Variants in TMEM135 observed in about 807,000 individuals in gnomAD.
TMEM135 encodes transmembrane protein 135, also known as peroxisomal membrane protein 52.
In TMEM135, 30 loss-of-function variants were observed where a neutral mutation model predicts 60.3. That is an observed-to-expected ratio of 0.50 (90% confidence interval 0.37 to 0.68). TMEM135 has a LOEUF of 0.68. Among genes scored for constraint, TMEM135 ranks in the 30% least tolerant of loss-of-function variants. The pLI is 0.00. For missense variants in TMEM135, 468 were observed against 548.8 expected (o/e 0.85, Z 1.47); for synonymous variants, 190 against 186.7 (o/e 1.02, Z -0.14).
intron 3 of TMEM135, among the ~76,000 whole-genome samples, chr11:87,083,748 C>G (rs1013734971): frequency 2.0e-5 from 3 of 152,070 alleles, no homozygotes; most frequent in African/African-American, 7.2e-5. Context: ...GACTCTTGCT[C>G]TAGATTAGAA....
chr11:87,266,227 G>A (rs72957888), intron 6 of TMEM135, among the ~76,000 whole-genome samples: 3,792 of 152,148 alleles, frequency 0.025, 70 homozygotes, highest in Non-Finnish European at 0.036. Flanking sequence ...ATAATTTCAT[G>A]TTCTCCACCC....
At chr11:87,169,817 C>A (rs1565471862) in intron 5 of TMEM135, among the ~76,000 whole-genome samples, 2 of 151,994 alleles carry the variant, frequency 1.3e-5, no homozygotes, top group Admixed American at 1.3e-4. Flanking sequence ...TTGTGGTGTT[C>A]TCTGTATTGC....
chr11:87,214,622 A>G (rs1317524960), intron 5 of TMEM135, among the ~76,000 whole-genome samples: 1 of 151,922 alleles, frequency 6.6e-6, no homozygotes, highest in South Asian at 2.1e-4. Flanking sequence ...CAAAATATGT[A>G]TAAACTAATA....
At chr11:87,187,674 A>C (rs1939686590) in intron 5 of TMEM135, among the ~76,000 whole-genome samples, 1 of 152,238 alleles carries the variant, frequency 6.6e-6, no homozygotes, top group East Asian at 1.9e-4. Context: ...TAATGCGTAT[A>C]GTACTTTGAC....
intron 3 of TMEM135, among the ~76,000 whole-genome samples, chr11:87,079,545 C>T (rs183071290): frequency 1.6e-4 from 24 of 152,014 alleles, no homozygotes; most frequent in African/African-American, 5.5e-4. Context: ...ATTTTCTATA[C>T]AGACAATTAT....
chr11:87,126,183 A>G (rs1591039060), intron 4 of TMEM135, among the ~76,000 whole-genome samples: 1 of 152,258 alleles, frequency 6.6e-6, no homozygotes. Flanking sequence ...CAATACCTGT[A>G]TTTTAATTCA....
At chr11:87,119,739 C>A (rs1857992509) in intron 4 of TMEM135, among the ~76,000 whole-genome samples, 1 of 152,118 alleles carries the variant, frequency 6.6e-6, no homozygotes, top group Non-Finnish European at 1.5e-5. Flanking sequence ...TGACTGATCA[C>A]ATAACAGATA....
intron 6 of TMEM135, among the ~76,000 whole-genome samples, chr11:87,253,053 C>A (rs921301311): frequency 6.6e-6 from 1 of 151,956 alleles, no homozygotes; most frequent in Non-Finnish European, 1.5e-5. Context: ...GAATCATTTC[C>A]TGTGAGAATA....
At chr11:87,122,181 G>A (rs575096999) in intron 4 of TMEM135, among the ~76,000 whole-genome samples, 1 of 151,954 alleles carries the variant, frequency 6.6e-6, no homozygotes, top group East Asian at 1.9e-4. Flanking sequence ...ACATATTAAA[G>A]CAAATTAATA....
intron 5 of TMEM135, among the ~76,000 whole-genome samples, chr11:87,185,319 A>C (rs973195886): frequency 1.1e-4 from 16 of 152,150 alleles, no homozygotes; most frequent in Non-Finnish European, 2.2e-4. Context: ...AAGATCTTAA[A>C]TTTATTTGAA....
At chr11:87,088,627 A>G (rs1020376023) in intron 3 of TMEM135, among the ~76,000 whole-genome samples, 1 of 152,264 alleles carries the variant, frequency 6.6e-6, no homozygotes, top group South Asian at 2.1e-4. Context: ...TATTCAGTTA[A>G]CTCTTGTCCT....
At chr11:87,276,698 TAG>T (rs1941973896) in intron 6 of TMEM135, among the ~76,000 whole-genome samples, 1 of 133,910 alleles carries the variant, frequency 7.5e-6, no homozygotes, top group African/African-American at 2.8e-5. Flanking sequence ...AGATGGAGTC[TAG>T]CTTTGTCACC....
rs1941001935 is a variant in TMEM135, at chr11:87,236,619, T to C, written c.463-19T>C. On this transcript the variant is annotated intron_variant, in intron 5 of 14. Transcript: ENST00000305494. ...TGTCAGTGTTCTTTTGCAAGTAATA[T>C]ATTTTCTCTTTGTTACAGGTCCTTT... The C allele has an allele frequency of 1.2e-6, 2 of 1,610,402 alleles. No individual in the cohort carries two copies. The highest frequency in any genetic ancestry group is 1.7e-5 in the Admixed American group (1 of 59,802).
chr11:87,306,064 A>G, intron 9 of TMEM135, 59 bp downstream of exon 9: 1 of 975,630 alleles, frequency 1.0e-6, no homozygotes, highest in Non-Finnish European at 1.5e-6. Context: ...GAAATTATTT[A>G]TTTATTTAGA....
In TMEM135 at chr11:87,322,336, G is replaced by C. The variant is rs770897277; in HGVS notation, c.*1003G>C. On this transcript the variant is annotated 3_prime_UTR_variant, in exon 15 of 15. Coordinates refer to ENST00000305494, the MANE Select transcript of TMEM135 (RefSeq NM_022918.4). ...CACCTGAAAACACTATAAAAATCCAGTGGTTGTTTAAAAAGTCCATTTGTC... is the reference window on the plus strand; with the variant it reads ...CACCTGAAAACACTATAAAAATCCACTGGTTGTTTAAAAAGTCCATTTGTC... The C allele has an allele frequency of 4.4e-6, 2 of 454,008 alleles. No individual in the cohort carries two copies. The highest frequency in any genetic ancestry group is 3.1e-5 in the South Asian group (2 of 64,478). The allele number at this position is 454,008 out of a possible 1,614,324, so 28.1% of individuals were successfully genotyped here. A position where few individuals can be genotyped will look rare whatever the true frequency, so the allele number is the denominator to read the frequency against.
intron 6 of TMEM135, among the ~76,000 whole-genome samples, chr11:87,258,686 G>A (rs1941581430): frequency 1.3e-5 from 2 of 152,108 alleles, no homozygotes; most frequent in South Asian, 4.2e-4. Flanking sequence ...GGGCACAGTT[G>A]CAATTAAGTC....
chr11:87,144,289 T>C (rs1048516979), intron 4 of TMEM135, among the ~76,000 whole-genome samples: 2 of 152,250 alleles, frequency 1.3e-5, no homozygotes, highest in Admixed American at 1.3e-4. Flanking sequence ...GTTTTTGTGT[T>C]AAATTAAATC....
rs1258823934 is a variant in TMEM135 at position 87,326,517 on chromosome 11, G to A, written c.*5184G>A. 2 of 454,120 alleles carry A rather than the reference G, an allele frequency of 4.4e-6. No individual in the cohort carries two copies. The highest frequency in any genetic ancestry group is 4.0e-5 in the African/African-American group (2 of 50,126). 28.1% of individuals were successfully genotyped at this position (454,120 alleles called of 1,614,324 possible). ...TAGTGCCAAAGGTTTAAAGCATGAA[G>A]TACATTCTGTGGTTGGTCATTATGG... On this transcript the variant is annotated 3_prime_UTR_variant, in exon 15 of 15. Transcript: ENST00000305494.
chr11:87,192,495 G>T (rs1444283634), intron 5 of TMEM135, among the ~76,000 whole-genome samples: 1 of 152,072 alleles, frequency 6.6e-6, no homozygotes, highest in Non-Finnish European at 1.5e-5. Context: ...TCTTTAAAGA[G>T]AAGTAAACTT....
Sources: gnomAD v4.1 joint callset for allele counts (sites outside exome capture counted in the v4.1 genomes callset) on GRCh38, gnomAD v4.1.1 for gene constraint, MANE v1.5 for transcripts, NCBI Gene and HGNC (gene_info 2026-07-23, HGNC 2026-07-21) for gene names.